The following DNAH5 variants were observed in gnomAD, a reference collection of about 807,000 sequenced individuals.
The protein encoded by DNAH5 is dynein axonemal heavy chain 5, also known as axonemal beta dynein heavy chain 5.
In DNAH5, 372 loss-of-function variants were observed where a neutral mutation model predicts 518.2. That is an observed-to-expected ratio of 0.72 (90% CI 0.66 to 0.78). DNAH5 has a LOEUF of 0.78. Ranked by LOEUF, DNAH5 falls within the 30% of genes least tolerant of loss-of-function variation. The probability of loss-of-function intolerance (pLI) is 0.00; values close to 1 mark genes in which losing one functional copy is unlikely to be tolerated. For missense variants in DNAH5, 5,523 were observed against 5,687.0 expected (o/e 0.97, Z 0.93); for synonymous variants, 2,039 against 2,025.9 (o/e 1.01, Z -0.17).
In DNAH5 at chr5:13,778,795, A is replaced by G. The variant is rs1754642338; in HGVS notation, c.8952-1440T>C. Among the ~76,000 whole-genome samples, 3 of 152,310 alleles carry G rather than the reference A, an allele frequency of 2.0e-5. 1 individual carries two copies. In the South Asian group the frequency reaches 6.2e-4, roughly 32 times the overall value. On this transcript the variant is annotated intron_variant, in intron 53 of 78. Coordinates refer to ENST00000265104, the MANE Select transcript of DNAH5 (RefSeq NM_001369.3). ...ATCTCAGCCTTAGCCACATGGCTAT[A>G]CAAAGCCTTTAGAAGTTTGATAACA...
intron 67 of DNAH5, 70 bp from the exon 68 acceptor site, chr5:13,735,391 T>C (rs1747242216): frequency 9.7e-6 from 14 of 1,445,444 alleles, no homozygotes; most frequent in Non-Finnish European, 1.3e-5. Flanking sequence ...AACAATTGTC[T>C]TTAATGGAAA....
Position 13,865,682 on chromosome 5 carries a change from T to C in DNAH5, c.4341A>G (p.Leu1447=). 1 of 1,573,990 alleles carries C rather than the reference T, an allele frequency of 6.4e-7. No homozygotes were observed. Among genetic ancestry groups the C allele is most frequent in the African/African-American group, 1.3e-5 (1 of 74,160 alleles). The change falls in exon 27 of 79, where the codon TTA becomes TTG. Residue 1447 remains leucine, a synonymous_variant. Transcript: ENST00000265104. Reference sequence around the variant, plus strand: ...TAATTTCTTACCTGTTCTGGAATTCTAAGAGTTCATTGTTAATTTTTTCAA... The same window carrying C: ...TAATTTCTTACCTGTTCTGGAATTCCAAGAGTTCATTGTTAATTTTTTCAA... ...VNIEKINNEL[L]EFQNRCRKLP... is the part of the protein sequence containing the mutation.
intron 74 of DNAH5, 108 bp downstream of exon 74, chr5:13,716,379 T>G: frequency 1.3e-6 from 1 of 781,662 alleles, no homozygotes; most frequent in Non-Finnish European, 2.2e-6. Context: ...TTAGTATATA[T>G]CACCATTAAA....
intron 1 of DNAH5, among the ~76,000 whole-genome samples, chr5:13,989,838 A>AT (rs929700298): frequency 1.3e-5 from 2 of 152,072 alleles, no homozygotes; most frequent in East Asian, 1.9e-4. Flanking sequence ...AGGTTTCCAG[A>AT]TTTTTTTAAT....
intron 52 of DNAH5, among the ~76,000 whole-genome samples, chr5:13,782,038 T>C (rs896335429): frequency 1.3e-5 from 2 of 152,162 alleles, no homozygotes; most frequent in African/African-American, 4.8e-5. Flanking sequence ...CTTCCAAACC[T>C]ACCTAGGAGA....
chr5:13,705,865 G>T (rs1248129521), intron 76 of DNAH5, among the ~76,000 whole-genome samples: 1 of 152,180 alleles, frequency 6.6e-6, no homozygotes, highest in Non-Finnish European at 1.5e-5. Flanking sequence ...ACTGGACTAG[G>T]ACTGCCACAA....
intron 14 of DNAH5, 38 bp downstream of exon 14, chr5:13,901,214 A>T: frequency 6.3e-7 from 1 of 1,592,950 alleles, no homozygotes; most frequent in Non-Finnish European, 8.6e-7. Flanking sequence ...GGTTCCCATG[A>T]TTCCAACAAT....
At chr5:13,895,498 T>A (rs1773790526) in intron 15 of DNAH5, among the ~76,000 whole-genome samples, 1 of 152,200 alleles carries the variant, frequency 6.6e-6, no homozygotes, top group Admixed American at 6.5e-5. Flanking sequence ...TGATACGACA[T>A]GCGTGCTGCT....
At chr5:13,711,951 C>A (rs1743532753) in intron 75 of DNAH5, among the ~76,000 whole-genome samples, 1 of 152,122 alleles carries the variant, frequency 6.6e-6, no homozygotes, top group African/African-American at 2.4e-5. Context: ...AAGCAATCTA[C>A]AAATTCAATG....
In DNAH5 at chr5:13,870,920, A is replaced by G. The variant is rs755142785; in HGVS notation, c.3681T>C (p.Ser1227=). 2.5e-6 allele frequency: 4 copies of G among 1,613,494 alleles called. No homozygotes were observed. Among genetic ancestry groups the G allele is most frequent in the Non-Finnish European group, 3.4e-6 (4 of 1,179,790 alleles). ...TAAGCATAAAAATGTTTTCCATCTC[A>G]CTCCGGTATTTTTTGTTACAGTGGC... ...IGRHCNKKYR[S]EMENIFMLIE... The change falls in exon 24 of 79, where the codon AGT becomes AGC. Residue 1227 remains serine, a synonymous_variant. Transcript: ENST00000265104.
In DNAH5 at chr5:13,866,041, G is replaced by A. The variant is rs61041034; in HGVS notation, c.4117-135C>T. 2.1e-3 allele frequency: 1,869 copies of A among 878,676 alleles called. 32 individuals carry two copies. In the African/African-American group the frequency reaches 0.029, roughly 14 times the overall value. The allele number at this position is 878,676 out of a possible 1,614,324, so 54.4% of individuals were successfully genotyped here. The stretch of plus-strand genomic sequence containing the variant: ...CACATGTAAATAGGAATACTAAGTT[G>A]GCATAATTAATTCATAGAAACTACT... On this transcript the variant is annotated intron_variant, in intron 26 of 78. Transcript: ENST00000265104.
rs770244453 is a variant in DNAH5 at position 13,692,042 on chromosome 5, G to T, written c.13817C>A (p.Ala4606Asp). ...NYIAAVDLRT[A>D]QTPEHWVLRG... ...GAGCACCCAGTGTTCAGGGGTCTGG[G>T]CTGTCCTGAGATCCACAGCGGCAAT... The change falls in exon 79 of 79, where the codon GCC (alanine) becomes GAC (aspartate). Residue 4606 changes from alanine to aspartate, a missense_variant. Physicochemically the swap from Ala to Asp is moderately radical, Grantham distance 126. Coordinates refer to ENST00000265104, the MANE Select transcript of DNAH5 (RefSeq NM_001369.3). 3.7e-6 allele frequency: 6 copies of T among 1,614,068 alleles called. No individual in the cohort carries two copies. In the East Asian group the frequency reaches 8.9e-5, roughly 24 times the overall value.
At chr5:13,995,840 T>A (rs1453689072) in intron 1 of DNAH5, among the ~76,000 whole-genome samples, 1 of 152,148 alleles carries the variant, frequency 6.6e-6, no homozygotes, top group East Asian at 1.9e-4. Context: ...TTCAGCAGAG[T>A]TGACTGGAAC....
intron 1 of DNAH5, among the ~76,000 whole-genome samples, chr5:14,006,927 T>C (rs434134): frequency 0.74 from 112,449 of 152,018 alleles, 41,935 homozygotes; most frequent in East Asian, 0.97. Flanking sequence ...AGCTCCACTC[T>C]GAGCCTCCAG....
intron 5 of DNAH5, among the ~76,000 whole-genome samples, 173 bp from the exon 6 acceptor site, chr5:13,920,790 G>C (rs569310903): frequency 1.3e-5 from 2 of 152,102 alleles, no homozygotes; most frequent in South Asian, 2.1e-4. Flanking sequence ...CCAGACTGAT[G>C]GGACCTTCCA....
chr5:13,899,963 C>T (rs568042776), intron 15 of DNAH5: 4 of 519,778 alleles, frequency 7.7e-6, no homozygotes, highest in African/African-American at 3.8e-5. Flanking sequence ...TTCAGTGGCT[C>T]GAAATCCTCC....
chr5:13,807,600 C>T lies in DNAH5; in HGVS notation c.7878G>A (p.Leu2626=). 1.2e-6 allele frequency: 2 copies of T among 1,613,648 alleles called. No individual in the cohort carries two copies. Among genetic ancestry groups the T allele is most frequent in the Middle Eastern group, 1.6e-4 (1 of 6,062 alleles). ...SLNFSSATTP[L]MFQRTIESYV... The stretch of plus-strand genomic sequence containing the variant: ...ACCAAAGAGCCAGTACCTGGAACAT[C>T]AGTGGGGTGGTTGCAGAAGAAAAAT... The change falls in exon 47 of 79, where the codon CTG becomes CTA. Residue 2626 remains leucine, a synonymous_variant. Coordinates refer to ENST00000265104, the MANE Select transcript of DNAH5 (RefSeq NM_001369.3).
intron 23 of DNAH5, 140 bp from the exon 24 acceptor site, chr5:13,871,142 A>G: frequency 1.5e-6 from 1 of 656,958 alleles, no homozygotes; most frequent in South Asian, 2.1e-5. Context: ...GGAAAAAATC[A>G]TAATTTTTCC....
chr5:13,765,845 G>A, intron 59 of DNAH5, 131 bp downstream of exon 59: 2 of 981,982 alleles, frequency 2.0e-6, no homozygotes, highest in Non-Finnish European at 3.2e-6. Context: ...TTATATTTGA[G>A]ACAAAGTTTT....
Sources: gnomAD v4.1 joint callset for allele counts (sites outside exome capture counted in the v4.1 genomes callset) on GRCh38, gnomAD v4.1.1 for gene constraint, MANE v1.5 for transcripts, NCBI Gene and HGNC (gene_info 2026-07-23, HGNC 2026-07-21) for gene names.